Variants in FAM114A2 observed in about 807,000 individuals in gnomAD.
FAM114A2 encodes the protein protein FAM114A2.
Under a neutral mutation model 58.4 loss-of-function variants are expected in FAM114A2, and 53 were observed. The ratio of observed to expected loss-of-function variants is 0.91; its 90% CI spans 0.73 to 1.14. The LOEUF (loss-of-function observed/expected upper bound fraction) is 1.14. Ranked by LOEUF, FAM114A2 falls within the 50% of genes most tolerant of loss-of-function variation. The probability of loss-of-function intolerance (pLI) is 0.00; values close to 1 mark genes in which losing one functional copy is unlikely to be tolerated. For missense variants in FAM114A2, 601 were observed against 581.1 expected (o/e 1.03, Z -0.35); for synonymous variants, 228 against 211.4 (o/e 1.08, Z -0.68).
Position 154,034,314 on chromosome 5 carries a change from T to C in FAM114A2, c.274A>G (p.Ile92Val), listed in dbSNP as rs1459615048. Residue 92 changes from isoleucine (I) to valine (V), a missense_variant, in exon 3 of 14, where the codon ATA (isoleucine) becomes GTA (valine). Transcript: ENST00000351797. ...WGYWGSWGKSILSSASATVAT... is the reference protein window; with the variant it reads ...WGYWGSWGKSVLSSASATVAT... ...ACTGTAGCCGAGGCTGAGGAGAGTATGGACTTGCCCCAGCTCCCCCAATAA... is the reference window on the plus strand; with the variant it reads ...ACTGTAGCCGAGGCTGAGGAGAGTACGGACTTGCCCCAGCTCCCCCAATAA... The C allele has an allele frequency of 6.2e-7, 1 of 1,601,552 alleles. No individual in the cohort carries two copies.
chr5:154,030,786 T>C (rs1005730103), intron 4 of FAM114A2, among the ~76,000 whole-genome samples: 1 of 152,208 alleles, frequency 6.6e-6, no homozygotes, highest in African/African-American at 2.4e-5. Flanking sequence ...GCTGAGGCAC[T>C]GGGAGGCTCC....
intron 12 of FAM114A2, 81 bp from the exon 13 acceptor site, chr5:153,995,053 C>T: frequency 2.4e-6 from 2 of 833,514 alleles, no homozygotes; most frequent in South Asian, 1.4e-5. Context: ...TTAAAACACA[C>T]ACACACACCC....
At chr5:154,022,975 T>C (rs145887322) in intron 8 of FAM114A2, among the ~76,000 whole-genome samples, 10,077 of 152,298 alleles carry the variant, frequency 0.066, 401 homozygotes, top group Middle Eastern at 0.19. Flanking sequence ...GATGAGTTCA[T>C]GTCCTTTGTA....
chr5:154,026,578 C>G, intron 7 of FAM114A2, 56 bp from the exon 8 acceptor site: 1 of 1,231,132 alleles, frequency 8.1e-7, no homozygotes, highest in Non-Finnish European at 1.1e-6. Flanking sequence ...GAAAAACATT[C>G]ACAAATAGGG....
chr5:154,014,630 G>A (rs1435986913), intron 8 of FAM114A2, among the ~76,000 whole-genome samples: 2 of 152,174 alleles, frequency 1.3e-5, no homozygotes, highest in African/African-American at 4.8e-5. Flanking sequence ...AGGGGTAGAG[G>A]AAGCAGTAGG....
At chr5:154,016,712 A>G (rs1308327858) in intron 8 of FAM114A2, among the ~76,000 whole-genome samples, 1 of 152,040 alleles carries the variant, frequency 6.6e-6, no homozygotes, top group African/African-American at 2.4e-5. Context: ...TAAAACAAAA[A>G]TACAATTAAA....
intron 8 of FAM114A2, among the ~76,000 whole-genome samples, chr5:154,022,352 T>C (rs1771475320): frequency 6.6e-6 from 1 of 152,180 alleles, no homozygotes; most frequent in African/African-American, 2.4e-5. Flanking sequence ...ACAGGCAACC[T>C]ACAGAATGGG....
At chr5:154,024,691 T>A (rs1771665670) in intron 8 of FAM114A2, among the ~76,000 whole-genome samples, 1 of 152,168 alleles carries the variant, frequency 6.6e-6, no homozygotes, top group Non-Finnish European at 1.5e-5. Flanking sequence ...TGAACCATAT[T>A]GCAGTATACC....
chr5:153,995,279 T>C (rs189003317), intron 12 of FAM114A2: 97 of 221,506 alleles, frequency 4.4e-4, no homozygotes, highest in African/African-American at 2.1e-3. Flanking sequence ...CATGTAGATA[T>C]GGAACATGTG....
rs942165862 is a variant in FAM114A2 at position 153,990,305 on chromosome 5, G to A, written c.*2671C>T. 2.6e-5 allele frequency: 4 copies of A among 152,004 alleles called. No homozygotes were observed. The highest frequency in any genetic ancestry group is 9.7e-5 in the African/African-American group (4 of 41,358). The allele number at this position is 152,004 out of a possible 1,614,324, so 9.4% of individuals were successfully genotyped here. A position where few individuals can be genotyped will look rare whatever the true frequency, so the allele number is the denominator to read the frequency against. ...TATAAAATAGCTCTCCCTCAAAAAG[G>A]TCTTTCACTAAAAACAAGTACAAAA... On this transcript the variant is annotated 3_prime_UTR_variant, in exon 14 of 14. Coordinates refer to ENST00000351797, the MANE Select transcript of FAM114A2 (RefSeq NM_018691.4).
intron 8 of FAM114A2, among the ~76,000 whole-genome samples, chr5:154,013,233 T>C (rs1392432007): frequency 6.6e-6 from 1 of 152,146 alleles, no homozygotes; most frequent in Non-Finnish European, 1.5e-5. Flanking sequence ...ACTGGTTTAG[T>C]GCTTTGGAGG....
intron 9 of FAM114A2, among the ~76,000 whole-genome samples, chr5:154,003,840 T>G (rs1350632058): frequency 6.6e-6 from 1 of 152,256 alleles, no homozygotes; most frequent in African/African-American, 2.4e-5. Context: ...TCATATTAAC[T>G]GCTGTGTAGT....
At chr5:154,002,214 A>G in intron 11 of FAM114A2, 37 bp downstream of exon 11, 2 of 1,595,166 alleles carry the variant, frequency 1.3e-6, no homozygotes, top group Admixed American at 3.3e-5. Context: ...AAACTCCTGC[A>G]ATTTGCATCA....
chr5:154,003,195 T>TTTTA (rs1770119312), intron 9 of FAM114A2, among the ~76,000 whole-genome samples: 2 of 151,488 alleles, frequency 1.3e-5, no homozygotes, highest in African/African-American at 4.9e-5. Context: ...TTTTTTTTTT[T>TTTTA]GAGATGGAAT....
At chr5:154,020,184 C>T (rs906681693) in intron 8 of FAM114A2, among the ~76,000 whole-genome samples, 3 of 152,074 alleles carry the variant, frequency 2.0e-5, no homozygotes, top group Non-Finnish European at 4.4e-5. Flanking sequence ...TAAATGCCCA[C>T]AAGAGAAAGC....
intron 8 of FAM114A2, among the ~76,000 whole-genome samples, chr5:154,020,965 A>C (rs1472879362): frequency 1.3e-5 from 2 of 152,220 alleles, no homozygotes; most frequent in African/African-American, 4.8e-5. Context: ...AGTTGGCTTT[A>C]TCCCTGGGAT....
chr5:154,011,974 T>C (rs1449635888), intron 8 of FAM114A2, among the ~76,000 whole-genome samples: 1 of 152,164 alleles, frequency 6.6e-6, no homozygotes, highest in Non-Finnish European at 1.5e-5. Context: ...AACTTTATAA[T>C]GAGGAAGTGA....
At chr5:154,035,020 T>C in intron 1 of FAM114A2, 53 bp from the exon 2 acceptor site, 3 of 1,142,368 alleles carry the variant, frequency 2.6e-6, no homozygotes, top group East Asian at 2.5e-5. Context: ...TGGTATAAAG[T>C]ATTTGTTTAA....
intron 8 of FAM114A2, chr5:154,026,185 C>T (rs950530171): frequency 3.0e-5 from 9 of 297,792 alleles, no homozygotes; most frequent in Admixed American, 1.0e-4. Context: ...TGGAAGGAGG[C>T]AGGGAGACAT....
Sources: allele counts gnomAD v4.1 joint callset (sites outside exome capture counted in the v4.1 genomes callset), GRCh38; gene constraint gnomAD v4.1.1; transcripts MANE v1.5; gene names NCBI Gene and HGNC (gene_info 2026-07-23, HGNC 2026-07-21).